PRTFDC1: variants seen among roughly 807,000 people sequenced by gnomAD.
PRTFDC1 encodes phosphoribosyltransferase domain-containing protein 1.
Under a neutral mutation model 34.6 loss-of-function variants are expected in PRTFDC1, and 38 were observed. That is an observed-to-expected ratio of 1.10 (90% CI 0.85 to 1.44). The LOEUF is 1.44. Among genes scored for constraint, PRTFDC1 ranks in the 40% most tolerant of loss-of-function variants. The probability of loss-of-function intolerance (pLI) is 0.00; values close to 1 mark genes in which losing one functional copy is unlikely to be tolerated. For synonymous variants in PRTFDC1, 93 were observed against 98.1 expected, an observed-to-expected ratio of 0.95 and a Z score of 0.31; for missense variants, 270 against 283.0, an observed-to-expected ratio of 0.95 and a Z score of 0.33.
intron 2 of PRTFDC1, among the ~76,000 whole-genome samples, chr10:24,942,104 T>A (rs901830318): frequency 4.6e-5 from 7 of 152,220 alleles, no homozygotes; most frequent in Non-Finnish European, 1.0e-4. Context: ...CTTATGTATG[T>A]ATATCCTTCT....
intron 3 of PRTFDC1, among the ~76,000 whole-genome samples, chr10:24,918,852 C>G (rs949782419): frequency 2.6e-5 from 4 of 152,128 alleles, no homozygotes; most frequent in Non-Finnish European, 5.9e-5. Context: ...AAATGAGTTC[C>G]TTGCCAAAGT....
chr10:24,907,506 G>T (rs1307527323), intron 3 of PRTFDC1, among the ~76,000 whole-genome samples: 1 of 152,216 alleles, frequency 6.6e-6, no homozygotes, highest in African/African-American at 2.4e-5. Context: ...TGAGGTGGGA[G>T]AATCACTTGA....
At chr10:24,898,420 T>C (rs1287482311) in intron 3 of PRTFDC1, among the ~76,000 whole-genome samples, 1 of 140,466 alleles carries the variant, frequency 7.1e-6, no homozygotes, top group East Asian at 2.2e-4. Flanking sequence ...GCCATGATTG[T>C]GCCACTGTAC....
intron 3 of PRTFDC1, among the ~76,000 whole-genome samples, chr10:24,895,112 C>T (rs1212558889): frequency 6.6e-6 from 1 of 152,206 alleles, no homozygotes; most frequent in East Asian, 1.9e-4. Context: ...AAAAGGCAAT[C>T]CTTGTCTTGT....
At chr10:24,935,703 G>C (rs1002397099) in intron 3 of PRTFDC1, among the ~76,000 whole-genome samples, 10 of 152,224 alleles carry the variant, frequency 6.6e-5, no homozygotes, top group African/African-American at 2.4e-4. Flanking sequence ...TTACCTGGGT[G>C]AACATGATCT....
intron 3 of PRTFDC1, among the ~76,000 whole-genome samples, chr10:24,923,486 C>A (rs993936558): frequency 6.6e-6 from 1 of 152,192 alleles, no homozygotes; most frequent in African/African-American, 2.4e-5. Flanking sequence ...TGTTCTGCAG[C>A]CTCCGCTGGT....
In PRTFDC1 at chr10:24,851,736, G is replaced by A. The variant is rs191338540; in HGVS notation, c.554-272C>T. Among the ~76,000 whole-genome samples, 258 of 151,938 alleles carry A rather than the reference G, an allele frequency of 1.7e-3. 3 individuals are homozygous for A. The highest frequency in any genetic ancestry group is 1.1e-3 in the Non-Finnish European group (75 of 67,960). On this transcript the variant is annotated intron_variant, in intron 7 of 8. Transcript: ENST00000320152. ...GTTGAGAAAGGGCTCAGGAAGCCTG[G>A]TGCATAACAAGAAATATGCATAATT...
At chr10:24,867,071 T>C (rs1321350689) in intron 4 of PRTFDC1, among the ~76,000 whole-genome samples, 1 of 143,924 alleles carries the variant, frequency 6.9e-6, no homozygotes, top group East Asian at 2.1e-4. Context: ...CTGTGTAGAG[T>C]CTCCTTTTTT....
rs79535717 is a variant in PRTFDC1, at chr10:24,873,925, A to G, written c.340-1862T>C. On this transcript the variant is annotated intron_variant, in intron 3 of 8. Transcript: ENST00000320152. ...TTTTTTACCTTTTTTTTTTTTTTTA[A>G]GAGACATGGTCTCACTCTGTCACCT... Among the ~76,000 whole-genome samples, 62 of 148,506 alleles carry G rather than the reference A, an allele frequency of 4.2e-4. 1 individual carries two copies. The highest frequency in any genetic ancestry group is 1.5e-3 in the African/African-American group (60 of 40,460).
intron 3 of PRTFDC1, among the ~76,000 whole-genome samples, chr10:24,876,599 C>A (rs889470918): frequency 6.6e-6 from 1 of 152,016 alleles, no homozygotes; most frequent in Non-Finnish European, 1.5e-5. Context: ...GAGGCTGAGG[C>A]AGGAGAATCG....
At chr10:24,931,459 A>G (rs560215147) in intron 3 of PRTFDC1, among the ~76,000 whole-genome samples, 2 of 152,220 alleles carry the variant, frequency 1.3e-5, no homozygotes, top group South Asian at 4.1e-4. Flanking sequence ...CTTTGAAAGA[A>G]TAAAAAAATT....
chr10:24,920,445 C>T (rs963229241), intron 3 of PRTFDC1, among the ~76,000 whole-genome samples: 11 of 152,078 alleles, frequency 7.2e-5, no homozygotes, highest in African/African-American at 2.7e-4. Context: ...GAAAACCAAG[C>T]ACCACATGTT....
chr10:24,952,552 C>T lies in PRTFDC1; in HGVS notation c.24G>A (p.Ala8=). Residue 8 remains alanine (A), a synonymous_variant, in exon 1 of 9, where the codon GCG becomes GCA. Transcript: ENST00000320152. The surrounding 1 kb of genome is among the most constrained non-coding windows in gnomAD (Gnocchi z 5.1). MAGSSEE[A]PDYGRGVVIM... ...CCACGACGCCTCGCCCGTAGTCTGG[C>T]GCCTCCTCGCTGCTCCCGGCCATGT... 1 of 1,591,710 alleles carries T rather than the reference C, an allele frequency of 6.3e-7. No individual in the cohort carries two copies. Among genetic ancestry groups the T allele is most frequent in the Non-Finnish European group, 8.6e-7 (1 of 1,168,932 alleles).
rs1849353692 is a variant in PRTFDC1 at position 24,952,054 on chromosome 10, C to A, written c.48+474G>T. Among the ~76,000 whole-genome samples, 1 of 152,234 alleles carries A rather than the reference C, an allele frequency of 6.6e-6. No homozygotes were observed. The highest frequency in any genetic ancestry group is 1.5e-5 in the Non-Finnish European group (1 of 68,036). On this transcript the variant is annotated intron_variant, in intron 1 of 8. Transcript: ENST00000320152. The surrounding 1 kb of genome is among the most constrained non-coding windows in gnomAD (Gnocchi z 5.1). ...AAAGGCTTCAAATCTCAAGCTCTGT[C>A]CACTTGAGCTACTTTATTTCCTAGC...
intron 3 of PRTFDC1, 74 bp downstream of exon 3, chr10:24,937,110 A>G (rs970326283): frequency 7.4e-7 from 1 of 1,350,194 alleles, no homozygotes; most frequent in Non-Finnish European, 1.0e-6. Context: ...CTTCATTTTC[A>G]TAACATTATT....
intron 1 of PRTFDC1, among the ~76,000 whole-genome samples, chr10:24,943,011 G>A (rs1356090642): frequency 6.7e-6 from 1 of 150,326 alleles, no homozygotes; most frequent in Non-Finnish European, 1.5e-5. Context: ...ATTTGTGAGG[G>A]CATATGTGTA....
intron 3 of PRTFDC1, among the ~76,000 whole-genome samples, chr10:24,886,768 T>C (rs763494058): frequency 2.0e-5 from 3 of 151,990 alleles, no homozygotes; most frequent in Non-Finnish European, 4.4e-5. Flanking sequence ...CGTGCCACCA[T>C]GCCCAGCTAA....
At position 24,901,782 on chromosome 10, in the gene PRTFDC1, A is replaced by C. The variant is rs116313154; in HGVS notation, c.340-29719T>G. On this transcript the variant is annotated intron_variant, in intron 3 of 8. Coordinates refer to ENST00000320152, the MANE Select transcript of PRTFDC1 (RefSeq NM_020200.7). ...GCTGAAACAAAGCGACTTCATTTCT[A>C]ATCTTTCACATGATTTTATACTAGT... Among the ~76,000 whole-genome samples, 818 of 152,296 alleles carry C rather than the reference A, an allele frequency of 5.4e-3. 9 individuals are homozygous for C. Among genetic ancestry groups the C allele is most frequent in the African/African-American group, 0.019 (789 of 41,558 alleles).
At chr10:24,851,041 C>T (rs989403107) in intron 8 of PRTFDC1, among the ~76,000 whole-genome samples, 3 of 152,190 alleles carry the variant, frequency 2.0e-5, no homozygotes, top group African/African-American at 7.2e-5. Context: ...TGCTAGAGTT[C>T]AAGCACTGAC....
Sources: allele counts gnomAD v4.1 joint callset (sites outside exome capture counted in the v4.1 genomes callset), GRCh38; gene constraint gnomAD v4.1.1; non-coding constraint Gnocchi (gnomAD v3.1); transcripts MANE v1.5; gene names NCBI Gene and HGNC (gene_info 2026-07-23, HGNC 2026-07-21).